GFM1: variants seen among roughly 807,000 people sequenced by gnomAD.
The protein encoded by GFM1 is elongation factor G, mitochondrial.
Under a neutral mutation model 96.2 loss-of-function variants are expected in GFM1, and 62 were observed. The observed-to-expected ratio is 0.64, with a 90% CI of 0.53 to 0.80. GFM1 has a LOEUF of 0.80. GFM1 is among the 30% of genes least tolerant of loss of function. The probability of loss-of-function intolerance (pLI) is 0.00; values close to 1 mark genes in which losing one functional copy is unlikely to be tolerated. For missense variants in GFM1, 852 were observed against 916.6 expected, an observed-to-expected ratio of 0.93 and a Z score of 0.91; for synonymous variants, 282 against 312.9, an observed-to-expected ratio of 0.90 and a Z score of 1.04.
chr3:158,657,069 A>G (rs1373813889), intron 8 of GFM1: 3 of 152,152 alleles, frequency 2.0e-5, no homozygotes, highest in Non-Finnish European at 2.9e-5. Flanking sequence ...TCTGTACATA[A>G]TATTTTAAGT....
chr3:158,653,086 C>T lies in GFM1; in HGVS notation c.841-224C>T, dbSNP rs55666734. Among the ~76,000 whole-genome samples the T allele has an allele frequency of 0.18, 26,993 of 151,908 alleles. 2,464 individuals carry two copies. The highest frequency in any genetic ancestry group is 0.22 in the Non-Finnish European group (14,656 of 67,936). ...TGAGAATTAGTGATTCCAAGAGTGT[C>T]GAAAGCAGTTGTATAGTAAATCACT... On this transcript the variant is annotated intron_variant, in intron 6 of 17. Transcript: ENST00000486715.
chr3:158,675,371 T>C (rs2108079128), intron 13 of GFM1, among the ~76,000 whole-genome samples: 1 of 150,978 alleles, frequency 6.6e-6, no homozygotes, highest in East Asian at 1.9e-4. Flanking sequence ...GAATATAAAG[T>C]TTATAAATTA....
rs748355816 is a variant in GFM1 at position 158,665,381 on chromosome 3, A to G, written c.1425A>G (p.Arg475=). 3.7e-6 allele frequency: 6 copies of G among 1,610,618 alleles called. No homozygotes were observed. Among genetic ancestry groups the G allele is most frequent in the Non-Finnish European group, 5.1e-6 (6 of 1,177,206 alleles). ...KFSKGIGRFT[R]EDPTFKVYFD... ...CAAAAGGTATTGGCAGGTTTACAAG[A>G]GAAGATCCCACATTTAAAGTATACT... Residue 475 remains arginine (R), a synonymous_variant, in exon 12 of 18, where the codon AGA becomes AGG. Transcript: ENST00000486715.
chr3:158,648,643 A>C (rs1285019897), intron 4 of GFM1, among the ~76,000 whole-genome samples: 1 of 147,456 alleles, frequency 6.8e-6, no homozygotes, highest in Admixed American at 7.0e-5. Flanking sequence ...ACACCATCAC[A>C]CTTCAGCCTT....
intron 13 of GFM1, among the ~76,000 whole-genome samples, chr3:158,668,371 A>G (rs1376145062): frequency 6.6e-6 from 1 of 152,132 alleles, no homozygotes; most frequent in African/African-American, 2.4e-5. Flanking sequence ...TACAGATGCT[A>G]CCATCCATTT....
chr3:158,664,601 G>T (rs978939389), intron 11 of GFM1, among the ~76,000 whole-genome samples: 1 of 152,078 alleles, frequency 6.6e-6, no homozygotes. Context: ...TTCCTTCATG[G>T]AATCCCTCTG....
intron 5 of GFM1, 21 bp from the exon 6 acceptor site, chr3:158,652,075 C>A: frequency 6.2e-7 from 1 of 1,611,508 alleles, no homozygotes. Context: ...CCTTAAAGCA[C>A]CAAAATATTT....
At chr3:158,676,720 A>C (rs1481989090) in intron 13 of GFM1, among the ~76,000 whole-genome samples, 1 of 145,212 alleles carries the variant, frequency 6.9e-6, no homozygotes, top group African/African-American at 2.6e-5. Context: ...TTTTTTTGAG[A>C]CAGAGTCTCA....
At chr3:158,677,830 A>G (rs1725031467) in intron 13 of GFM1, among the ~76,000 whole-genome samples, 1 of 152,054 alleles carries the variant, frequency 6.6e-6, no homozygotes. Context: ...GTGTAGATGA[A>G]ACATCCTTCT....
At chr3:158,659,207 C>T in intron 9 of GFM1, 148 bp downstream of exon 9, 1 of 889,840 alleles carries the variant, frequency 1.1e-6, no homozygotes, top group Non-Finnish European at 1.7e-6. Flanking sequence ...TAGCTCTGAT[C>T]TAGCACTTTG....
Position 158,691,431 on chromosome 3 carries a change from T to C in GFM1, c.2220T>C (p.Gly740=). The C allele has an allele frequency of 6.2e-7, 1 of 1,613,692 alleles. No homozygotes were observed. The highest frequency in any genetic ancestry group is 1.7e-5 in the Admixed American group (1 of 60,016). ...TTAATAAGTATTTGGAAGCTACAGGTCAACTTCCTGTTAAAAAAGGAAAAG... is the reference window on the plus strand; with the variant it reads ...TTAATAAGTATTTGGAAGCTACAGGCCAACTTCCTGTTAAAAAAGGAAAAG... ...DVINKYLEAT[G]QLPVKKGKAK... The change falls in exon 18 of 18, where the codon GGT becomes GGC. Residue 740 remains glycine (G), a synonymous_variant. Coordinates refer to ENST00000486715, the MANE Select transcript of GFM1 (RefSeq NM_024996.7).
At chr3:158,650,400 G>T in intron 5 of GFM1, 1 of 251,370 alleles carries the variant, frequency 4.0e-6, no homozygotes, top group South Asian at 5.8e-5. Flanking sequence ...GAATTACCAA[G>T]GCACATATTT....
At chr3:158,687,176 A>T (rs1376668553) in intron 15 of GFM1, among the ~76,000 whole-genome samples, 2 of 151,234 alleles carry the variant, frequency 1.3e-5, no homozygotes, top group African/African-American at 4.9e-5. Context: ...CTAATTTTTT[A>T]TTATTATTAT....
intron 5 of GFM1, chr3:158,651,001 A>G (rs577529687): frequency 7.2e-6 from 1 of 138,096 alleles, no homozygotes; most frequent in Non-Finnish European, 1.5e-5. Flanking sequence ...AGCCTGGGTG[A>G]CAGAGCGAGA....
At chr3:158,690,034 G>A (rs560007619) in intron 15 of GFM1, 129 bp from the exon 16 acceptor site, 45 of 771,692 alleles carry the variant, frequency 5.8e-5, no homozygotes, top group Non-Finnish European at 8.3e-5. Context: ...AGTCTAGGTC[G>A]AATATTTTAA....
chr3:158,675,027 G>A (rs1277954634), intron 13 of GFM1, among the ~76,000 whole-genome samples: 6 of 152,104 alleles, frequency 3.9e-5, no homozygotes, highest in Admixed American at 6.5e-5. Context: ...AGTGGCTCAC[G>A]CCTGTAATCC....
intron 14 of GFM1, 130 bp from the exon 15 acceptor site, chr3:158,684,394 T>A (rs1474898814): frequency 2.3e-6 from 2 of 867,284 alleles, no homozygotes; most frequent in African/African-American, 1.7e-5. Context: ...TTTTAAAAAA[T>A]TATTTTTGAG....
Position 158,645,775 on chromosome 3 carries a change from G to T in GFM1, c.228G>T (p.Met76Ile), listed in dbSNP as rs746234485. The change falls in exon 2 of 18, where the codon ATG (methionine) becomes ATT (isoleucine). Residue 76 changes from methionine (M) to isoleucine (I), a missense_variant. By Grantham distance (10) the Met-to-Ile change is conservative. Transcript: ENST00000486715. ...VLYYTGRIAK[M>I]HEVKGKDGVG... ...ACTACACTGGCAGAATTGCAAAGAT[G>T]CATGAGGTATATATTCACGGTTGAT... 1.2e-5 allele frequency: 20 copies of T among 1,611,180 alleles called. No homozygotes were observed. Among genetic ancestry groups the T allele is most frequent in the Non-Finnish European group, 1.7e-5 (20 of 1,177,376 alleles).
At chr3:158,649,870 A>G (rs772318095) in intron 5 of GFM1, 1 of 686,568 alleles carries the variant, frequency 1.5e-6, no homozygotes, top group Non-Finnish European at 2.5e-6. Flanking sequence ...GCATTTCTGG[A>G]AGGTTTCCAG....
Sources: allele counts gnomAD v4.1 joint callset (sites outside exome capture counted in the v4.1 genomes callset), GRCh38; gene constraint gnomAD v4.1.1; transcripts MANE v1.5; gene names NCBI Gene and HGNC (gene_info 2026-07-23, HGNC 2026-07-21).